The following LRRTM4 variants were observed in gnomAD, a reference collection of about 807,000 sequenced individuals.
LRRTM4 encodes the protein leucine-rich repeat transmembrane neuronal protein 4.
Under a neutral mutation model 47.6 loss-of-function variants are expected in LRRTM4, and 25 were observed. The observed-to-expected ratio is 0.53, with a 90% CI of 0.38 to 0.73. The LOEUF (loss-of-function observed/expected upper bound fraction) is 0.73, where lower values mean the gene tolerates loss of function less well. Ranked by LOEUF, LRRTM4 falls within the 30% of genes least tolerant of loss-of-function variation. The pLI is 0.00. For synonymous variants in LRRTM4, 311 were observed against 269.5 expected, an observed-to-expected ratio of 1.15 and a Z score of -1.51; for missense variants, 638 against 713.4, an observed-to-expected ratio of 0.89 and a Z score of 1.20.
intron 3 of LRRTM4, among the ~76,000 whole-genome samples, chr2:77,281,068 G>GT (rs372230341): frequency 7.7e-4 from 117 of 151,990 alleles, no homozygotes; most frequent in African/African-American, 2.6e-3. Flanking sequence ...AGTTGTATCT[G>GT]TTTTTTATTT....
chr2:76,876,372 A>G (rs1233219253), intron 3 of LRRTM4, among the ~76,000 whole-genome samples: 1 of 152,150 alleles, frequency 6.6e-6, no homozygotes, highest in Non-Finnish European at 1.5e-5. Flanking sequence ...GAAAATTGTT[A>G]TATAATTTTT....
chr2:77,210,117 G>A (rs763430549), intron 3 of LRRTM4, among the ~76,000 whole-genome samples: 24 of 152,164 alleles, frequency 1.6e-4, no homozygotes, highest in Non-Finnish European at 3.2e-4. Flanking sequence ...TGTTGCTGCT[G>A]CTGATTTCTG....
intron 3 of LRRTM4, among the ~76,000 whole-genome samples, chr2:77,074,163 C>G (rs1048805399): frequency 1.2e-4 from 18 of 152,154 alleles, no homozygotes; most frequent in Non-Finnish European, 1.9e-4. Flanking sequence ...TCATCTGCAT[C>G]TATTTCTCAT....
At chr2:76,910,310 C>G (rs542060073) in intron 3 of LRRTM4, among the ~76,000 whole-genome samples, 4 of 132,236 alleles carry the variant, frequency 3.0e-5, no homozygotes, top group Non-Finnish European at 4.6e-5. Context: ...AACACATGGA[C>G]ACAGGAAGGG....
intron 3 of LRRTM4, among the ~76,000 whole-genome samples, chr2:77,385,973 T>A (rs1017860414): frequency 1.3e-5 from 2 of 151,776 alleles, no homozygotes; most frequent in Non-Finnish European, 2.9e-5. Flanking sequence ...GCCAGGCTGA[T>A]CTCGAAATCC....
At chr2:76,884,071 C>T (rs191412571) in intron 3 of LRRTM4, among the ~76,000 whole-genome samples, 30 of 151,770 alleles carry the variant, frequency 2.0e-4, no homozygotes, top group Non-Finnish European at 3.5e-4. Flanking sequence ...CCACCCACCT[C>T]GACCTCCCAA....
chr2:76,805,488 A>C (rs1468039361), intron 3 of LRRTM4, among the ~76,000 whole-genome samples: 1 of 152,174 alleles, frequency 6.6e-6, no homozygotes, highest in Admixed American at 6.5e-5. Flanking sequence ...CTGTAGTGAC[A>C]AAGAGTTAGT....
Position 77,006,145 on chromosome 2 carries a change from C to T in LRRTM4, c.1552-257229G>A, listed in dbSNP as rs143198889. ...CAATATTTTCCTTTTCAACCATGCT[C>T]TTCTGAGAATTTTTATGTTTTAAAC... On this transcript the variant is annotated intron_variant, in intron 3 of 3. Transcript: ENST00000409884. 2.6e-3 allele frequency among the ~76,000 whole-genome samples: 392 copies of T among 152,222 alleles called. 3 individuals are homozygous for T. The highest frequency in any genetic ancestry group is 8.8e-3 in the African/African-American group (366 of 41,554).
In LRRTM4 at chr2:76,758,483, G is replaced by A. The variant is rs550834195; in HGVS notation, c.1552-9567C>T. Among the ~76,000 whole-genome samples the A allele has an allele frequency of 6.6e-4, 100 of 152,214 alleles. 1 individual carries two copies. The highest frequency in any genetic ancestry group is 1.8e-3 in the Admixed American group (28 of 15,278). Reference sequence around the variant, plus strand: ...TAATAGAGTACAAATGTAACTTCTTGGAAGACTGGCTGGTCTTCATGAAAA... The same window carrying A: ...TAATAGAGTACAAATGTAACTTCTTAGAAGACTGGCTGGTCTTCATGAAAA... On this transcript the variant is annotated intron_variant, in intron 3 of 3. Transcript: ENST00000409884.
At chr2:76,909,011 A>G (rs1194663166) in intron 3 of LRRTM4, among the ~76,000 whole-genome samples, 3 of 152,196 alleles carry the variant, frequency 2.0e-5, no homozygotes, top group African/African-American at 7.2e-5. Flanking sequence ...TTCACATGGA[A>G]GCAAAAAAGA....
chr2:76,904,282 C>T (rs917958921), intron 3 of LRRTM4, among the ~76,000 whole-genome samples: 2 of 152,156 alleles, frequency 1.3e-5, no homozygotes, highest in African/African-American at 4.8e-5. Context: ...TGTTTGAGAA[C>T]CACGTTTTTT....
intron 3 of LRRTM4, among the ~76,000 whole-genome samples, chr2:77,067,146 A>G (rs183014648): frequency 2.0e-3 from 302 of 152,348 alleles, no homozygotes; most frequent in Non-Finnish European, 2.2e-3. Flanking sequence ...GAAAATAAGC[A>G]AAGTGAGTAT....
intron 3 of LRRTM4, among the ~76,000 whole-genome samples, chr2:77,472,734 C>A (rs1453894595): frequency 6.6e-6 from 1 of 152,118 alleles, no homozygotes; most frequent in Non-Finnish European, 1.5e-5. Flanking sequence ...CAAGATCAAA[C>A]AATGGTAATT....
At chr2:77,311,180 T>C (rs1677445598) in intron 3 of LRRTM4, among the ~76,000 whole-genome samples, 1 of 152,168 alleles carries the variant, frequency 6.6e-6, no homozygotes, top group African/African-American at 2.4e-5. Flanking sequence ...ACTTAGGTCT[T>C]GAAGTGCAAA....
At chr2:77,235,189 G>C (rs1238130588) in intron 3 of LRRTM4, among the ~76,000 whole-genome samples, 1 of 151,974 alleles carries the variant, frequency 6.6e-6, no homozygotes, top group East Asian at 1.9e-4. Context: ...GCCACAATGA[G>C]CATGTGAGGC....
At chr2:77,170,649 G>T (rs1219940210) in intron 3 of LRRTM4, among the ~76,000 whole-genome samples, 2 of 152,074 alleles carry the variant, frequency 1.3e-5, no homozygotes, top group Admixed American at 1.3e-4. Flanking sequence ...GTTATTTCTG[G>T]CAGATATTTG....
intron 3 of LRRTM4, among the ~76,000 whole-genome samples, chr2:77,356,293 G>C (rs1314307498): frequency 1.3e-5 from 2 of 152,108 alleles, no homozygotes; most frequent in African/African-American, 4.8e-5. Context: ...AGACCATTTG[G>C]AGATTCCAGA....
At chr2:76,755,653 G>A (rs570345257) in intron 3 of LRRTM4, among the ~76,000 whole-genome samples, 4 of 152,232 alleles carry the variant, frequency 2.6e-5, no homozygotes, top group African/African-American at 4.8e-5. Context: ...TAAAGAAGGA[G>A]AAAAATGCAG....
At chr2:77,476,126 G>T (rs553409097) in intron 3 of LRRTM4, among the ~76,000 whole-genome samples, 1 of 152,028 alleles carries the variant, frequency 6.6e-6, no homozygotes, top group African/African-American at 2.4e-5. Flanking sequence ...CTTTTCTCAG[G>T]GAGAAAATGT....
Sources: gnomAD v4.1 joint callset for allele counts (sites outside exome capture counted in the v4.1 genomes callset) on GRCh38, gnomAD v4.1.1 for gene constraint, MANE v1.5 for transcripts, NCBI Gene and HGNC (gene_info 2026-07-23, HGNC 2026-07-21) for gene names.